The following KIFBP variants were observed in gnomAD, a reference collection of about 807,000 sequenced individuals.
KIFBP encodes kinesin family binding protein, also known as KIF-binding protein.
KIFBP carries 46 observed loss-of-function variants against 58.9 expected under a neutral mutation model. The ratio of observed to expected loss-of-function variants is 0.78; its 90% CI spans 0.62 to 1.00. The LOEUF (loss-of-function observed/expected upper bound fraction) is 1.00. Among genes scored for constraint, KIFBP ranks in the 50% least tolerant of loss-of-function variants. The probability of loss-of-function intolerance (pLI) is 0.00; values close to 1 mark genes in which losing one functional copy is unlikely to be tolerated. For missense variants in KIFBP, 651 were observed against 752.9 expected (o/e 0.86, Z 1.58); for synonymous variants, 241 against 283.4 (o/e 0.85, Z 1.50).
intron 2 of KIFBP, among the ~76,000 whole-genome samples, chr10:69,000,752 A>G (rs559163218): frequency 2.0e-5 from 3 of 152,254 alleles, no homozygotes; most frequent in Admixed American, 1.3e-4. Flanking sequence ...TCTAAATACA[A>G]TTATAAAGGA....
intron 1 of KIFBP, among the ~76,000 whole-genome samples, chr10:68,997,469 T>A (rs933339672): frequency 7.9e-5 from 12 of 152,204 alleles, no homozygotes; most frequent in African/African-American, 2.9e-4. Flanking sequence ...ACTCCAGCCA[T>A]GTAGAATGTT....
At chr10:68,990,975 A>G (rs1294648582) in intron 1 of KIFBP, among the ~76,000 whole-genome samples, 1 of 152,168 alleles carries the variant, frequency 6.6e-6, no homozygotes, top group Non-Finnish European at 1.5e-5. Context: ...CCATATTTAG[A>G]ATTATGTAGA....
chr10:69,001,420 T>G (rs1843464114), intron 2 of KIFBP, among the ~76,000 whole-genome samples: 1 of 152,192 alleles, frequency 6.6e-6, no homozygotes, highest in Non-Finnish European at 1.5e-5. Flanking sequence ...GCACAATATT[T>G]TCTTGTGGAT....
chr10:68,990,322 T>C (rs1391813408), intron 1 of KIFBP, among the ~76,000 whole-genome samples: 1 of 152,040 alleles, frequency 6.6e-6, no homozygotes, highest in Non-Finnish European at 1.5e-5. Context: ...GTGAGGTCAG[T>C]AGTTCAAGAC....
intron 1 of KIFBP, chr10:68,989,667 A>G (rs967100970): frequency 1.9e-5 from 4 of 211,542 alleles, no homozygotes; most frequent in Non-Finnish European, 3.8e-5. Context: ...AATGACAATG[A>G]CCGGAGTACA....
chr10:68,989,237 C>G lies in KIFBP; in HGVS notation c.405C>G (p.Ile135Met), dbSNP rs143950359. The G allele has an allele frequency of 6.2e-7, 1 of 1,613,304 alleles. No individual in the cohort carries two copies. The highest frequency in any genetic ancestry group is 1.3e-5 in the African/African-American group (1 of 75,076). ...LRRYRLSHDC[I>M]SLCIQAQNNL... ...GGTACCGGCTCTCGCACGACTGCAT[C>G]TCTCTCTGCATCCAGGCGCAGGTGA... The change falls in exon 1 of 7, where the codon ATC becomes ATG. Residue 135 changes from isoleucine to methionine, a missense_variant. Transcript: ENST00000361983.
Position 68,994,893 on chromosome 10 carries a change from T to C in KIFBP, c.427-5531T>C, listed in dbSNP as rs1202004015. 7.9e-5 allele frequency among the ~76,000 whole-genome samples: 12 copies of C among 151,756 alleles called. No individual in the cohort carries two copies. The East Asian group carries it at 2.1e-3, about 27-fold the overall frequency. ...CCTCCCTTCTGCTTGCCCCCAACCCTGCATTTTGTAGAATTTTATTTTATT... is the reference window on the plus strand; with the variant it reads ...CCTCCCTTCTGCTTGCCCCCAACCCCGCATTTTGTAGAATTTTATTTTATT... On this transcript the variant is annotated intron_variant, in intron 1 of 6. Transcript: ENST00000361983.
intron 4 of KIFBP, chr10:69,007,575 T>C (rs1415344752): frequency 6.6e-6 from 1 of 152,258 alleles, no homozygotes; most frequent in Non-Finnish European, 1.5e-5. Context: ...TTTCATTATA[T>C]AAACTCTAAC....
At chr10:68,994,108 C>T (rs1364202025) in intron 1 of KIFBP, among the ~76,000 whole-genome samples, 2 of 151,854 alleles carry the variant, frequency 1.3e-5, no homozygotes, top group African/African-American at 4.8e-5. Flanking sequence ...ACTGCTTAAG[C>T]CTGGGAGATC....
rs751978155 is a variant in KIFBP at position 69,015,521 on chromosome 10, T to G, written c.991-20T>G. Reference sequence around the variant, plus strand: ...AGGTGAGTGTCCTACTTAACCATAATTTATTTTTTTTTCCTTCAGGACAAC... The same window carrying G: ...AGGTGAGTGTCCTACTTAACCATAAGTTATTTTTTTTTCCTTCAGGACAAC... On this transcript the variant is annotated intron_variant, in intron 6 of 6. Transcript: ENST00000361983. 1.3e-5 allele frequency: 21 copies of G among 1,611,338 alleles called. No homozygotes were observed. The East Asian group carries it at 4.5e-4, about 34-fold the overall frequency.
intron 2 of KIFBP, 90 bp from the exon 3 acceptor site, chr10:69,004,956 T>C (rs1843515158): frequency 1.2e-6 from 1 of 829,776 alleles, no homozygotes; most frequent in South Asian, 1.4e-5. Context: ...ATTTGGCTTG[T>C]AGAAGTTGAT....
chr10:69,008,391 A>AAAAAAAAATATATATATATATATAT, intron 4 of KIFBP, among the ~76,000 whole-genome samples: 3 of 71,592 alleles, frequency 4.2e-5, no homozygotes, highest in African/African-American at 1.6e-4. Context: ...AAAAAAAAAA[A>AAAAAAAAATATATATATATATATAT]ATATATATAT....
intron 2 of KIFBP, among the ~76,000 whole-genome samples, chr10:69,003,285 A>G (rs1843491857): frequency 6.6e-6 from 1 of 152,196 alleles, no homozygotes; most frequent in Non-Finnish European, 1.5e-5. Flanking sequence ...AAGCATGGTA[A>G]GCAGCCCTCG....
At chr10:69,007,202 T>C (rs369998845) in intron 4 of KIFBP, among the ~76,000 whole-genome samples, 5 of 152,358 alleles carry the variant, frequency 3.3e-5, no homozygotes, top group African/African-American at 1.2e-4. Flanking sequence ...GCATTACTTA[T>C]GTGGAGCATG....
Position 69,010,899 on chromosome 10 carries a change from G to T in KIFBP, c.875-1G>T. On this transcript the variant is annotated splice_acceptor_variant, in intron 5 of 6. Transcript: ENST00000361983. LOFTEE classifies it high-confidence loss of function. ...TTAAACAAATCACATGTATATTTTA[G>T]CTCCTGAAGCTGAAGGAGAAGTGCC... The T allele has an allele frequency of 6.3e-7, 1 of 1,599,038 alleles. No homozygotes were observed. The highest frequency in any genetic ancestry group is 8.6e-7 in the Non-Finnish European group (1 of 1,166,374).
intron 1 of KIFBP, among the ~76,000 whole-genome samples, chr10:68,998,550 T>A (rs2132109512): frequency 6.6e-6 from 1 of 151,580 alleles, no homozygotes; most frequent in South Asian, 2.1e-4. Flanking sequence ...CTGTCCAAAT[T>A]CATGGACTCT....
chr10:69,010,073 ATAT>A (rs762023036), intron 5 of KIFBP, among the ~76,000 whole-genome samples: 1 of 152,202 alleles, frequency 6.6e-6, no homozygotes. Flanking sequence ...AATTGCTGAG[ATAT>A]TATTTAATAA....
chr10:69,004,045 C>T (rs999989270), intron 2 of KIFBP, among the ~76,000 whole-genome samples: 2 of 151,772 alleles, frequency 1.3e-5, no homozygotes, highest in African/African-American at 4.8e-5. Flanking sequence ...CATGGAGAAA[C>T]CCCGTCTCTA....
chr10:69,010,306 C>T (rs1843577639), intron 5 of KIFBP, among the ~76,000 whole-genome samples: 1 of 152,080 alleles, frequency 6.6e-6, no homozygotes, highest in South Asian at 2.1e-4. Context: ...TAGGAATCTG[C>T]CCTAAGGAAG....
Sources: gnomAD v4.1 joint callset for allele counts (sites outside exome capture counted in the v4.1 genomes callset) on GRCh38, gnomAD v4.1.1 for gene constraint, MANE v1.5 for transcripts, NCBI Gene and HGNC (gene_info 2026-07-23, HGNC 2026-07-21) for gene names.